The following NOXRED1 variants were observed in gnomAD, a reference collection of about 807,000 sequenced individuals.
NOXRED1 encodes NADP-dependent oxidoreductase domain-containing protein 1.
In NOXRED1, 20 loss-of-function variants were observed where a neutral mutation model predicts 30.4. The ratio of observed to expected loss-of-function variants is 0.66; its 90% CI spans 0.46 to 0.96. The LOEUF is 0.96. Among genes scored for constraint, NOXRED1 ranks in the 40% least tolerant of loss-of-function variants. The pLI is 0.00. For missense variants in NOXRED1, 374 were observed against 428.0 expected, an observed-to-expected ratio of 0.87 and a Z score of 1.11; for synonymous variants, 155 against 168.0, an observed-to-expected ratio of 0.92 and a Z score of 0.60.
At chr14:77,415,631 T>TAGATAGGC (rs1555363632) in intron 1 of NOXRED1, among the ~76,000 whole-genome samples, 4 of 141,314 alleles carry the variant, frequency 2.8e-5, no homozygotes, top group Admixed American at 2.8e-4. Flanking sequence ...GATAGATAGA[T>TAGATAGGC]AGACAGACAG....
chr14:77,407,058 AC>A (rs1418604246), intron 3 of NOXRED1, among the ~76,000 whole-genome samples, 183 bp from the exon 4 acceptor site: 16 of 152,308 alleles, frequency 1.1e-4, no homozygotes, highest in African/African-American at 3.4e-4. Flanking sequence ...ACAAATCCTT[AC>A]TTATTGAATG....
At chr14:77,412,101 T>TAAAA (rs71128621) in intron 2 of NOXRED1, among the ~76,000 whole-genome samples, 16 of 63,726 alleles carry the variant, frequency 2.5e-4, no homozygotes, top group African/African-American at 7.2e-4. Flanking sequence ...AGACTCAGTC[T>TAAAA]AAAAAAAAAA....
At chr14:77,418,241 C>T (rs2139699215) in intron 1 of NOXRED1, among the ~76,000 whole-genome samples, 1 of 151,942 alleles carries the variant, frequency 6.6e-6, no homozygotes, top group Admixed American at 6.6e-5. Context: ...CTCAGGTGAT[C>T]CTCCCGCCTC....
rs183823470 is a variant in NOXRED1, at chr14:77,414,914, C to T, written c.156-787G>A. Among the ~76,000 whole-genome samples the T allele has an allele frequency of 2.6e-5, 4 of 152,186 alleles. No homozygotes were observed. The East Asian group carries it at 5.8e-4, about 22-fold the overall frequency. On this transcript the variant is annotated intron_variant, in intron 1 of 5. Coordinates refer to ENST00000380835, the MANE Select transcript of NOXRED1 (RefSeq NM_001113475.3). ...AACACATGCTGGGTACGGTGGCTCA[C>T]ATCTATAATCCCAGCACTTTGAGAG...
At chr14:77,402,588 C>A (rs761651442) in intron 5 of NOXRED1, among the ~76,000 whole-genome samples, 36 of 151,182 alleles carry the variant, frequency 2.4e-4, no homozygotes, top group Non-Finnish European at 4.1e-4. Context: ...GAGCCGAGAT[C>A]GTGCCATTGC....
At chr14:77,425,577 G>A (rs555791656), upstream of NOXRED1, among the ~76,000 whole-genome samples, 1 of 152,340 alleles carries the variant, frequency 6.6e-6, no homozygotes, top group Non-Finnish European at 1.5e-5. Context: ...AACTAAATAT[G>A]AGGTTACCTG....
In NOXRED1 at chr14:77,422,931, T is replaced by G; in HGVS notation, c.-42A>C. The G allele has an allele frequency of 6.4e-7, 1 of 1,570,266 alleles. No homozygotes were observed. The highest frequency in any genetic ancestry group is 8.7e-7 in the Non-Finnish European group (1 of 1,152,946). ...CCTGCAGTGATAGACACTAATCAAT[T>G]TGGCTCCCTGTCCCGGTAGAAGAGG... On this transcript the variant is annotated 5_prime_UTR_variant, in exon 1 of 6. Transcript: ENST00000380835.
chr14:77,395,124 G>A (rs1196829152), intron 5 of NOXRED1, among the ~76,000 whole-genome samples: 1 of 54,776 alleles, frequency 1.8e-5, no homozygotes, highest in Non-Finnish European at 3.6e-5. Flanking sequence ...TTTTTTTTTT[G>A]AGATGGAGTC....
chr14:77,413,093 T>C (rs923842828), intron 2 of NOXRED1, among the ~76,000 whole-genome samples: 1 of 152,154 alleles, frequency 6.6e-6, no homozygotes, highest in African/African-American at 2.4e-5. Flanking sequence ...GACAAAAGCA[T>C]ACACCCATTT....
At chr14:77,423,625 G>A (rs1342833270), upstream of NOXRED1, 1 of 152,186 alleles carries the variant, frequency 6.6e-6, no homozygotes, top group Non-Finnish European at 1.5e-5. Context: ...CCACTTAGAG[G>A]TTTTCCTGAG....
At chr14:77,414,893 C>T (rs956287767) in intron 1 of NOXRED1, among the ~76,000 whole-genome samples, 16 of 151,856 alleles carry the variant, frequency 1.1e-4, no homozygotes, top group Admixed American at 9.2e-4. Flanking sequence ...TTAAAAAACA[C>T]ATGCTGGGTA....
In NOXRED1 at chr14:77,422,822, C is replaced by T. The variant is rs369588295; in HGVS notation, c.68G>A (p.Trp23Ter). Reference sequence around the variant, plus strand: ...CCGAGAACGGCCCTGCAAATACAGCCAGATACGATCTTCCTCTGGAACCCC... The same window carrying T: ...CCGAGAACGGCCCTGCAAATACAGCTAGATACGATCTTCCTCTGGAACCCC... The part of the protein sequence containing the change: ...EYGVPEEDRI[W>*]LYLQGRSRGL... Residue 23 changes from tryptophan to a stop codon, truncating the protein, a stop_gained, in exon 1 of 6, where the codon TGG becomes TAG. Coordinates refer to ENST00000380835, the MANE Select transcript of NOXRED1 (RefSeq NM_001113475.3). LOFTEE classifies it high-confidence loss of function. The T allele has an allele frequency of 5.6e-6, 9 of 1,613,978 alleles. No individual in the cohort carries two copies. Among genetic ancestry groups the T allele is most frequent in the Admixed American group, 1.7e-5 (1 of 60,014 alleles).
chr14:77,409,805 T>C (rs952974608), intron 2 of NOXRED1, among the ~76,000 whole-genome samples: 1 of 151,526 alleles, frequency 6.6e-6, no homozygotes, highest in Non-Finnish European at 1.5e-5. Context: ...GATATATACC[T>C]TGAGATTTTT....
chr14:77,395,570 G>C (rs2139659367), intron 5 of NOXRED1, among the ~76,000 whole-genome samples: 1 of 152,162 alleles, frequency 6.6e-6, no homozygotes, highest in South Asian at 2.1e-4. Context: ...GGGAGGCCAA[G>C]GCAGCAGGAT....
intron 1 of NOXRED1, among the ~76,000 whole-genome samples, chr14:77,416,086 T>C (rs941463925): frequency 1.3e-5 from 2 of 152,212 alleles, no homozygotes; most frequent in Non-Finnish European, 2.9e-5. Flanking sequence ...TCCACTACTT[T>C]AGATACCTCA....
At position 77,414,151 on chromosome 14, in the gene NOXRED1, G is replaced by A. The variant is rs113586342; in HGVS notation, c.156-24C>T. The A allele has an allele frequency of 1.1e-5, 16 of 1,405,634 alleles. No homozygotes were observed. In the African/African-American group the frequency reaches 1.2e-4, roughly 10 times the overall value. The allele number at this position is 1,405,634 out of a possible 1,614,324, so 87.1% of individuals were successfully genotyped here. ...CTCTGGAGAATGAACACACAGACAC[G>A]TACATAAATACATGCACACACTAGT... On this transcript the variant is annotated intron_variant, in intron 1 of 5. Transcript: ENST00000380835.
chr14:77,421,380 G>GAT (rs1894988343), intron 1 of NOXRED1, among the ~76,000 whole-genome samples: 1 of 152,154 alleles, frequency 6.6e-6, no homozygotes, highest in Admixed American at 6.5e-5. Context: ...TCATCTTACT[G>GAT]ATACCAATCT....
At chr14:77,399,906 CACACAAGAA>C (rs1894280883) in intron 5 of NOXRED1, among the ~76,000 whole-genome samples, 1 of 151,870 alleles carries the variant, frequency 6.6e-6, no homozygotes, top group Admixed American at 6.6e-5. Context: ...ATAACAAAAA[CACACAAGAA>C]ACTATACCTA....
intron 1 of NOXRED1, among the ~76,000 whole-genome samples, chr14:77,417,890 A>ATT (rs35970109): frequency 1.4e-4 from 19 of 137,268 alleles, no homozygotes; most frequent in Admixed American, 1.2e-3. Flanking sequence ...TATTTCACTG[A>ATT]TTTTTTTTTT....
Sources: gnomAD v4.1 joint callset for allele counts (sites outside exome capture counted in the v4.1 genomes callset) on GRCh38, gnomAD v4.1.1 for gene constraint, MANE v1.5 for transcripts, NCBI Gene and HGNC (gene_info 2026-07-23, HGNC 2026-07-21) for gene names.